Variants in CACNA2D2 observed in about 807,000 individuals in gnomAD.
The protein encoded by CACNA2D2 is voltage-dependent calcium channel subunit alpha-2/delta-2.
A neutral mutation model predicts 166.4 loss-of-function variants in CACNA2D2; 48 were observed. The ratio of observed to expected loss-of-function variants is 0.29; its 90% CI spans 0.23 to 0.37. The LOEUF is 0.37. CACNA2D2 is among the 10% of genes least tolerant of loss of function. The pLI is 1.00. For synonymous variants in CACNA2D2, 561 were observed against 573.7 expected (o/e 0.98, Z 0.32); for missense variants, 1,122 against 1,433.0 (o/e 0.78, Z 3.50).
chr3:50,394,211 G>A (rs759005804), intron 3 of CACNA2D2, 43 bp from the exon 4 acceptor site: 2 of 1,559,172 alleles, frequency 1.3e-6, no homozygotes, highest in Non-Finnish European at 1.8e-6. Context: ...GAGGAAGGCA[G>A]CCTGCCCTAT....
chr3:50,448,114 C>A (rs972916525), intron 2 of CACNA2D2, among the ~76,000 whole-genome samples: 2 of 152,152 alleles, frequency 1.3e-5, no homozygotes, highest in Non-Finnish European at 2.9e-5. Context: ...ATGCCCTAGG[C>A]TGAAGCTCCT....
In CACNA2D2 at chr3:50,379,281, A is replaced by ACCTCTGGC; in HGVS notation, c.1153-90_1153-83dup. 1 of 1,445,262 alleles carries ACCTCTGGC rather than the reference A, an allele frequency of 6.9e-7. No individual in the cohort carries two copies. The highest frequency in any genetic ancestry group is 9.7e-7 in the Non-Finnish European group (1 of 1,033,380). The allele number at this position is 1,445,262 out of a possible 1,614,324, so 89.5% of individuals were successfully genotyped here. On this transcript the variant is annotated intron_variant, in intron 11 of 37. Coordinates refer to ENST00000424201, the MANE Select transcript of CACNA2D2 (RefSeq NM_006030.4). This position sits in a 1 kb window ranked among gnomAD's most constrained non-coding sequence, Gnocchi z 6.5. ...GGCCTCCCTCCCGCAGTGGGCCTGG[A>ACCTCTGGC]CCTCTGGCCCTCCTCCCCCACAGCA...
intron 3 of CACNA2D2, among the ~76,000 whole-genome samples, chr3:50,402,101 G>C (rs1706478163): frequency 6.6e-6 from 1 of 152,236 alleles, no homozygotes; most frequent in Admixed American, 6.5e-5. Context: ...CTCACAGGTG[G>C]TAACAAGTAT....
chr3:50,406,515 A>C (rs910076186), intron 3 of CACNA2D2, among the ~76,000 whole-genome samples: 4 of 151,182 alleles, frequency 2.6e-5, no homozygotes, highest in African/African-American at 9.7e-5. Context: ...TCCATTCACC[A>C]TCATCCCCAT....
chr3:50,414,713 G>A (rs567200425), intron 3 of CACNA2D2, among the ~76,000 whole-genome samples: 1 of 152,346 alleles, frequency 6.6e-6, no homozygotes, highest in East Asian at 1.9e-4. Flanking sequence ...CTGGCCCGAT[G>A]GGATAATAAA....
Position 50,366,842 on chromosome 3 carries a change from G to T in CACNA2D2, c.2578C>A (p.Gln860Lys). 1 of 1,613,516 alleles carries T rather than the reference G, an allele frequency of 6.2e-7. No homozygotes were observed. The highest frequency in any genetic ancestry group is 1.1e-5 in the South Asian group (1 of 91,078). ...VLASNRTHQD[Q>K]PQKCGPNSHC... The stretch of plus-strand genomic sequence containing the variant: ...CCCTGCCCAAATACCTTCTGAGGCT[G>T]GTCTTGGTGGGTACGGTTGCTGGCT... Residue 860 changes from glutamine to lysine, a missense_variant, in exon 29 of 38, where the codon CAG becomes AAG. Gln to Lys is a moderately conservative substitution (Grantham distance 53). Transcript: ENST00000424201. The surrounding 1 kb of genome is among the most constrained non-coding windows in gnomAD (Gnocchi z 5.9).
intron 3 of CACNA2D2, among the ~76,000 whole-genome samples, chr3:50,404,151 C>T (rs994557495): frequency 1.4e-4 from 22 of 152,206 alleles, no homozygotes; most frequent in African/African-American, 5.1e-4. Context: ...GGCAGAAACC[C>T]GGTCAGAAAT....
intron 1 of CACNA2D2, among the ~76,000 whole-genome samples, chr3:50,499,144 G>A (rs1481496138): frequency 6.6e-6 from 1 of 152,216 alleles, no homozygotes; most frequent in Non-Finnish European, 1.5e-5. Context: ...AATCTGATGT[G>A]GGTGGGCACA....
At chr3:50,417,912 G>A (rs1707339369) in intron 3 of CACNA2D2, among the ~76,000 whole-genome samples, 1 of 152,208 alleles carries the variant, frequency 6.6e-6, no homozygotes, top group Admixed American at 6.5e-5. Context: ...TGTGTACGTG[G>A]GGAATGAATG....
intron 3 of CACNA2D2, among the ~76,000 whole-genome samples, chr3:50,418,797 G>A (rs1423663045): frequency 1.3e-5 from 2 of 152,248 alleles, no homozygotes; most frequent in Non-Finnish European, 2.9e-5. Context: ...CAGAGGCATG[G>A]GCCTTGAGGG....
intron 2 of CACNA2D2, among the ~76,000 whole-genome samples, chr3:50,457,947 C>G (rs896599886): frequency 2.6e-5 from 4 of 152,182 alleles, no homozygotes; most frequent in Admixed American, 6.5e-5. Context: ...CCTGCCCTGA[C>G]TCACTCAGAA....
At chr3:50,433,273 G>T (rs1708153413) in intron 3 of CACNA2D2, among the ~76,000 whole-genome samples, 1 of 152,126 alleles carries the variant, frequency 6.6e-6, no homozygotes, top group South Asian at 2.1e-4. Context: ...TTTTGTAACT[G>T]ACTTCTTTCA....
At chr3:50,405,378 G>A (rs1706655326) in intron 3 of CACNA2D2, among the ~76,000 whole-genome samples, 1 of 140,338 alleles carries the variant, frequency 7.1e-6, no homozygotes, top group South Asian at 2.4e-4. Context: ...GGGGGGTGGG[G>A]GCGAGCCCAG....
chr3:50,405,898 G>A (rs74994278), intron 3 of CACNA2D2, among the ~76,000 whole-genome samples: 4,001 of 152,254 alleles, frequency 0.026, 80 homozygotes, highest in Non-Finnish European at 0.043. Flanking sequence ...TGGAACCATG[G>A]TGCTAGCCAA....
At chr3:50,497,790 C>T (rs35986136) in intron 1 of CACNA2D2, among the ~76,000 whole-genome samples, 17,691 of 152,182 alleles carry the variant, frequency 0.12, 1,155 homozygotes, top group Non-Finnish European at 0.14. Flanking sequence ...ACAGGCAGCT[C>T]TGGAAGCTCT....
chr3:50,459,505 C>G (rs1709504529), intron 2 of CACNA2D2, among the ~76,000 whole-genome samples: 1 of 152,170 alleles, frequency 6.6e-6, no homozygotes, highest in South Asian at 2.1e-4. Context: ...GCCCTGCTCC[C>G]CAACTCTTCA....
intron 2 of CACNA2D2, among the ~76,000 whole-genome samples, chr3:50,459,845 G>A (rs1461573927): frequency 6.6e-6 from 1 of 152,144 alleles, no homozygotes; most frequent in Non-Finnish European, 1.5e-5. Context: ...TCTGAGGAAG[G>A]AATATGAGAG....
At chr3:50,436,497 T>C (rs1708357004) in intron 2 of CACNA2D2, among the ~76,000 whole-genome samples, 2 of 151,798 alleles carry the variant, frequency 1.3e-5, no homozygotes, top group Admixed American at 6.6e-5. Context: ...AGTGAGTGGG[T>C]CTCTAGGTGG....
chr3:50,419,637 G>C (rs963887842), intron 3 of CACNA2D2: 1 of 152,232 alleles, frequency 6.6e-6, no homozygotes, highest in South Asian at 2.1e-4. Context: ...AGGAAATCCC[G>C]GCCTGTTTAA....
Sources: allele counts gnomAD v4.1 joint callset (sites outside exome capture counted in the v4.1 genomes callset), GRCh38; gene constraint gnomAD v4.1.1; non-coding constraint Gnocchi (gnomAD v3.1); transcripts MANE v1.5; gene names NCBI Gene and HGNC (gene_info 2026-07-23, HGNC 2026-07-21).